Variants in DYM observed in about 807,000 individuals in gnomAD.
The protein encoded by DYM is dymeclin.
In DYM, 78 loss-of-function variants were observed where a neutral mutation model predicts 93.1. That is an observed-to-expected ratio of 0.84 (90% confidence interval 0.70 to 1.01). The LOEUF is 1.01. Among genes scored for constraint, DYM ranks in the 50% least tolerant of loss-of-function variants. The pLI is 0.00. For synonymous variants in DYM, 321 were observed against 319.7 expected (o/e 1.00, Z -0.04); for missense variants, 789 against 845.0 (o/e 0.93, Z 0.82).
At chr18:49,440,449 A>G (rs1373256419) in intron 1 of DYM, among the ~76,000 whole-genome samples, 1 of 98,072 alleles carries the variant, frequency 1.0e-5, no homozygotes, top group African/African-American at 3.6e-5. Context: ...GTGACTATAT[A>G]TTATATATTT....
chr18:49,037,401 T>C lies in DYM; in HGVS notation c.*6654A>G, dbSNP rs2070745512. ...TGTGTGTATATATATATATGAACAA[T>C]AGACACTAGGGACTCCAAAACGAGG... is the stretch of plus-strand genomic sequence containing the variant. On this transcript the variant is annotated 3_prime_UTR_variant, in exon 18 of 18. Coordinates refer to ENST00000675505, the MANE Select transcript of DYM (RefSeq NM_001353214.3). Among the ~76,000 whole-genome samples the C allele has an allele frequency of 6.6e-6, 1 of 152,018 alleles. No individual in the cohort carries two copies.
chr18:49,301,927 T>C (rs773261578), intron 8 of DYM, among the ~76,000 whole-genome samples: 3 of 152,198 alleles, frequency 2.0e-5, no homozygotes, highest in Non-Finnish European at 4.4e-5. Context: ...CACCCTCTCC[T>C]TCCTTCTCTC....
intron 15 of DYM, among the ~76,000 whole-genome samples, chr18:49,159,469 T>C (rs753878540): frequency 1.3e-5 from 2 of 152,238 alleles, no homozygotes; most frequent in East Asian, 3.8e-4. Flanking sequence ...GCCAGTGATA[T>C]AGTCCAGAGT....
chr18:49,051,902 C>T (rs568059682), intron 17 of DYM, among the ~76,000 whole-genome samples: 4 of 152,318 alleles, frequency 2.6e-5, no homozygotes, highest in Middle Eastern at 3.4e-3. Context: ...AACACACAGC[C>T]GTTATTGGAA....
chr18:49,130,515 T>C (rs991612026), intron 15 of DYM, among the ~76,000 whole-genome samples: 9 of 152,124 alleles, frequency 5.9e-5, no homozygotes. Flanking sequence ...GTGTCTATTG[T>C]GCATTATTCT....
rs1179207639 is a variant in DYM, at chr18:49,044,010, A to C, written c.*45T>G. 1.2e-6 allele frequency: 2 copies of C among 1,610,084 alleles called. No homozygotes were observed. The highest frequency in any genetic ancestry group is 1.7e-6 in the Non-Finnish European group (2 of 1,178,714). On this transcript the variant is annotated 3_prime_UTR_variant, in exon 18 of 18. Coordinates refer to ENST00000675505, the MANE Select transcript of DYM (RefSeq NM_001353214.3). ...GTTACCCAGAAATAAAAGAACTTGA[A>C]GGGCTGCTTGGCTGGAGGGGTCCGG...
intron 17 of DYM, among the ~76,000 whole-genome samples, chr18:49,077,614 T>C (rs2077418263): frequency 6.6e-6 from 1 of 152,244 alleles, no homozygotes; most frequent in Non-Finnish European, 1.5e-5. Context: ...AGTGGAGTTG[T>C]CTGTCAGCTT....
intron 17 of DYM, among the ~76,000 whole-genome samples, chr18:49,070,568 C>T (rs1260515424): frequency 1.3e-5 from 2 of 152,172 alleles, no homozygotes; most frequent in African/African-American, 4.8e-5. Flanking sequence ...GCCCCCTTTG[C>T]CCATTTGTGT....
At chr18:49,308,420 G>T (rs1239239532) in intron 8 of DYM, among the ~76,000 whole-genome samples, 2 of 152,016 alleles carry the variant, frequency 1.3e-5, no homozygotes, top group Non-Finnish European at 2.9e-5. Context: ...AATCCACAGT[G>T]AATCAACAAA....
chr18:49,392,295 C>A (rs2069353067), intron 2 of DYM, among the ~76,000 whole-genome samples: 1 of 152,048 alleles, frequency 6.6e-6, no homozygotes, highest in South Asian at 2.1e-4. Flanking sequence ...ACAACAATTT[C>A]TTGGATGTGA....
intron 14 of DYM, among the ~76,000 whole-genome samples, chr18:49,175,477 T>G (rs562903648): frequency 6.6e-6 from 1 of 152,178 alleles, no homozygotes; most frequent in East Asian, 1.9e-4. Flanking sequence ...CAGGGTAAAC[T>G]GCCCGTTCAT....
chr18:49,325,722 A>T (rs760182816), intron 8 of DYM, among the ~76,000 whole-genome samples: 1 of 152,222 alleles, frequency 6.6e-6, no homozygotes, highest in East Asian at 1.9e-4. Context: ...GTTAGTGTGC[A>T]TTTAGATTTA....
intron 2 of DYM, among the ~76,000 whole-genome samples, chr18:49,414,252 T>C (rs1336182507): frequency 1.3e-5 from 2 of 152,138 alleles, no homozygotes; most frequent in African/African-American, 4.8e-5. Context: ...GTGGGGATGG[T>C]TGCACAACCC....
chr18:49,374,889 G>A (rs1733223041), intron 5 of DYM, among the ~76,000 whole-genome samples: 1 of 152,010 alleles, frequency 6.6e-6, no homozygotes, highest in South Asian at 2.1e-4. Context: ...AACCCAGGAG[G>A]CGGAGGTTGC....
chr18:49,258,781 GACACACACACACACACACAC>G (rs61429427), intron 11 of DYM, among the ~76,000 whole-genome samples: 3 of 112,368 alleles, frequency 2.7e-5, no homozygotes, highest in South Asian at 3.4e-4. Flanking sequence ...AGGGATCATA[GACACACACACACACACACAC>G]ACACACACAC....
At chr18:49,269,653 T>A (rs2094641217) in intron 11 of DYM, among the ~76,000 whole-genome samples, 2 of 152,136 alleles carry the variant, frequency 1.3e-5, no homozygotes, top group Non-Finnish European at 2.9e-5. Flanking sequence ...ACAAAGAAGG[T>A]CCCAGATGAT....
intron 2 of DYM, chr18:49,418,056 G>C (rs1600097555): frequency 1.3e-5 from 1 of 78,952 alleles, no homozygotes; most frequent in South Asian, 5.4e-4. Context: ...GTGAAACTCT[G>C]TCTGAAAAAA....
At chr18:49,088,063 G>A (rs1225393365) in intron 17 of DYM, among the ~76,000 whole-genome samples, 3 of 151,896 alleles carry the variant, frequency 2.0e-5, no homozygotes, top group African/African-American at 7.2e-5. Context: ...CATTCTGTAG[G>A]TTGCCTGTTC....
intron 6 of DYM, chr18:49,359,787 G>A (rs547046753): frequency 6.6e-6 from 1 of 152,336 alleles, no homozygotes; most frequent in African/African-American, 2.4e-5. Context: ...AATGTGAAAT[G>A]TGAAACGTTT....
Sources: gnomAD v4.1 joint callset for allele counts (sites outside exome capture counted in the v4.1 genomes callset) on GRCh38, gnomAD v4.1.1 for gene constraint, MANE v1.5 for transcripts, NCBI Gene and HGNC (gene_info 2026-07-23, HGNC 2026-07-21) for gene names.